Variants in A1CF observed in about 807,000 individuals in gnomAD.
The protein encoded by A1CF is APOBEC-1 stimulating protein.
In A1CF, 48 loss-of-function variants were observed where a neutral mutation model predicts 68.9. That is an observed-to-expected ratio of 0.70 (90% confidence interval 0.55 to 0.89). The LOEUF (loss-of-function observed/expected upper bound fraction) is 0.89, where lower values mean the gene tolerates loss of function less well. Ranked by LOEUF, A1CF falls within the 40% of genes least tolerant of loss-of-function variation. The probability of loss-of-function intolerance (pLI) is 0.00; values close to 1 mark genes in which losing one functional copy is unlikely to be tolerated. For synonymous variants in A1CF, 272 were observed against 260.4 expected, an observed-to-expected ratio of 1.04 and a Z score of -0.43; for missense variants, 653 against 718.9, an observed-to-expected ratio of 0.91 and a Z score of 1.05.
chr10:50,858,482 C>T (rs1427127126), intron 3 of A1CF, among the ~76,000 whole-genome samples: 3 of 151,982 alleles, frequency 2.0e-5, no homozygotes, highest in Admixed American at 6.6e-5. Context: ...ATATGCATTA[C>T]AGCTAATGTC....
chr10:50,862,754 GC>G (rs1244993041), intron 2 of A1CF: 1 of 152,194 alleles, frequency 6.6e-6, no homozygotes, highest in Non-Finnish European at 1.5e-5. Context: ...ATTAACTCTT[GC>G]TTTTTTCCCA....
chr10:50,816,209 G>T lies in A1CF; in HGVS notation c.938C>A (p.Thr313Asn), dbSNP rs1838365261. ...GGTGCCCCTTCCACCTGTGCCTCGG[G>T]TATACCTAACATAACTGTCCTTGTC... ...PVDKDSYVRYTRGTGGRGTML... is the reference protein window; with the variant it reads ...PVDKDSYVRYNRGTGGRGTML... The change falls in exon 9 of 13, where the codon ACC (threonine) becomes AAC (asparagine). Residue 313 changes from threonine to asparagine, a missense_variant. By Grantham distance (65) the Thr-to-Asn change is moderately conservative. Transcript: ENST00000373997. 1 of 1,613,738 alleles carries T rather than the reference G, an allele frequency of 6.2e-7. No homozygotes were observed. The highest frequency in any genetic ancestry group is 8.5e-7 in the Non-Finnish European group (1 of 1,179,830).
intron 3 of A1CF, among the ~76,000 whole-genome samples, chr10:50,858,409 A>G (rs546889094): frequency 6.6e-6 from 1 of 152,280 alleles, no homozygotes; most frequent in Admixed American, 6.5e-5. Context: ...CTTGTTGGGT[A>G]TAATAATTAT....
Position 50,828,175 on chromosome 10 carries a change from G to T in A1CF, c.725C>A (p.Thr242Asn), listed in dbSNP as rs1205495954. The change falls in exon 7 of 13, where the codon ACC becomes AAC. Residue 242 changes from threonine (T) to asparagine (N), a missense_variant. Coordinates refer to ENST00000373997, the MANE Select transcript of A1CF (RefSeq NM_014576.4). Reference protein sequence around the residue: ...ILYVRNLMLSTSEEMIEKEFN... With the variant: ...ILYVRNLMLSNSEEMIEKEFN... ...TTCCTTTTCAATCATCTCTTCAGAG[G>T]TAGACAGCATAAGATTTCTTACATA... The T allele has an allele frequency of 6.2e-7, 1 of 1,606,080 alleles. No individual in the cohort carries two copies. The highest frequency in any genetic ancestry group is 8.5e-7 in the Non-Finnish European group (1 of 1,174,618).
chr10:50,808,273 C>G (rs1162735142), intron 12 of A1CF, among the ~76,000 whole-genome samples: 1 of 152,142 alleles, frequency 6.6e-6, no homozygotes, highest in Non-Finnish European at 1.5e-5. Flanking sequence ...AAGAGAGGCT[C>G]TCAGATTCTT....
intron 8 of A1CF, among the ~76,000 whole-genome samples, chr10:50,818,057 C>T (rs191667607): frequency 2.1e-4 from 32 of 152,204 alleles, no homozygotes; most frequent in African/African-American, 7.5e-4. Flanking sequence ...CTTTTTCACC[C>T]CATCTCCAAT....
chr10:50,851,335 A>G (rs531851300), intron 3 of A1CF, among the ~76,000 whole-genome samples: 1 of 152,338 alleles, frequency 6.6e-6, no homozygotes, highest in South Asian at 2.1e-4. Context: ...AAATGTTCAT[A>G]GGATGTTTTG....
chr10:50,829,887 T>G (rs138821288), intron 6 of A1CF, among the ~76,000 whole-genome samples: 192 of 152,292 alleles, frequency 1.3e-3, no homozygotes, highest in Middle Eastern at 3.4e-3. Flanking sequence ...ATGATTAAAT[T>G]TTTGCATTTT....
chr10:50,856,111 C>A (rs1840465540), intron 3 of A1CF, among the ~76,000 whole-genome samples: 1 of 151,946 alleles, frequency 6.6e-6, no homozygotes, highest in African/African-American at 2.4e-5. Context: ...GTCCAGTGTG[C>A]TAACCAGTGA....
chr10:50,868,875 G>C lies in A1CF; in HGVS notation c.-93-4795C>G, dbSNP rs528647921. Among the ~76,000 whole-genome samples the C allele has an allele frequency of 5.3e-5, 8 of 152,266 alleles. No homozygotes were observed. The East Asian group carries it at 1.5e-3, about 29-fold the overall frequency. On this transcript the variant is annotated intron_variant, in intron 1 of 12. Coordinates refer to ENST00000373997, the MANE Select transcript of A1CF (RefSeq NM_014576.4). ...CTTTAAAATTGTGGAACCTGCTGCA[G>C]AGGAGGATAACAGAAAACCAAATAC...
chr10:50,880,735 G>A (rs1187381865), intron 1 of A1CF, among the ~76,000 whole-genome samples: 1 of 152,160 alleles, frequency 6.6e-6, no homozygotes, highest in Non-Finnish European at 1.5e-5. Context: ...CAGTAGAAGA[G>A]CTGGATAGAA....
chr10:50,843,472 G>A (rs2132458713), intron 4 of A1CF, among the ~76,000 whole-genome samples: 1 of 152,180 alleles, frequency 6.6e-6, no homozygotes, highest in East Asian at 1.9e-4. Flanking sequence ...ATTTAATTTT[G>A]TATTCTTCCT....
chr10:50,817,397 T>C (rs905658977), intron 8 of A1CF, among the ~76,000 whole-genome samples: 3 of 152,216 alleles, frequency 2.0e-5, no homozygotes, highest in Non-Finnish European at 2.9e-5. Flanking sequence ...TGAAGTCTGC[T>C]GGACAAAGCT....
At chr10:50,850,507 CAG>C (rs1308761541) in intron 3 of A1CF, 3 of 986,498 alleles carry the variant, frequency 3.0e-6, no homozygotes, top group African/African-American at 1.6e-5. Flanking sequence ...AATTAGAAAA[CAG>C]AAAACATTTT....
chr10:50,840,600 T>C lies in A1CF; in HGVS notation c.365+1262A>G, dbSNP rs558084114. On this transcript the variant is annotated intron_variant, in intron 5 of 12. Coordinates refer to ENST00000373997, the MANE Select transcript of A1CF (RefSeq NM_014576.4). The stretch of plus-strand genomic sequence containing the variant: ...TTCATGATGTCAGTTTTATTTCCAG[T>C]TTATCAAAACGGGCAATTGGTTGCA... Among the ~76,000 whole-genome samples, 3 of 152,300 alleles carry C rather than the reference T, an allele frequency of 2.0e-5. No individual in the cohort carries two copies. The East Asian group carries it at 5.8e-4, about 29-fold the overall frequency.
At chr10:50,842,142 G>T in intron 4 of A1CF, 150 bp from the exon 5 acceptor site, 1 of 652,480 alleles carries the variant, frequency 1.5e-6, no homozygotes. Context: ...TGCATCCCAT[G>T]TGGAATGGTT....
chr10:50,816,549 T>C (rs1838381823), intron 8 of A1CF: 1 of 382,906 alleles, frequency 2.6e-6, no homozygotes, highest in Non-Finnish European at 4.7e-6. Context: ...ACAATCTGGT[T>C]ACAGTCACTG....
At chr10:50,855,727 T>A (rs182641281) in intron 3 of A1CF, among the ~76,000 whole-genome samples, 1 of 152,062 alleles carries the variant, frequency 6.6e-6, no homozygotes, top group East Asian at 1.9e-4. Flanking sequence ...GAGCACAAAT[T>A]CATCACCCTC....
intron 1 of A1CF, among the ~76,000 whole-genome samples, chr10:50,884,510 AT>A (rs1390621379): frequency 6.6e-6 from 1 of 152,184 alleles, no homozygotes; most frequent in African/African-American, 2.4e-5. Context: ...CTGTGCTCCC[AT>A]TGCATGCTCC....
Sources: allele counts gnomAD v4.1 joint callset (sites outside exome capture counted in the v4.1 genomes callset), GRCh38; gene constraint gnomAD v4.1.1; transcripts MANE v1.5; gene names NCBI Gene and HGNC (gene_info 2026-07-23, HGNC 2026-07-21).